The following CAMKK1 variants were observed in gnomAD, a reference collection of about 807,000 sequenced individuals.
CAMKK1 encodes calcium/calmodulin-dependent protein kinase kinase 1.
CAMKK1 carries 20 observed loss-of-function variants against 63.5 expected under a neutral mutation model. The observed-to-expected ratio is 0.32, with a 90% CI of 0.22 to 0.46. The LOEUF is 0.46. Among genes scored for constraint, CAMKK1 ranks in the 20% least tolerant of loss-of-function variants. The probability of loss-of-function intolerance (pLI) is 1.00; values close to 1 mark genes in which losing one functional copy is unlikely to be tolerated. For synonymous variants in CAMKK1, 253 were observed against 269.0 expected, an observed-to-expected ratio of 0.94 and a Z score of 0.58; for missense variants, 588 against 658.1, an observed-to-expected ratio of 0.89 and a Z score of 1.17.
At chr17:3,880,843 T>C (rs372653575) in intron 8 of CAMKK1, among the ~76,000 whole-genome samples, 20 of 151,976 alleles carry the variant, frequency 1.3e-4, no homozygotes, top group African/African-American at 3.6e-4. Context: ...GTAGTAAAGA[T>C]ATATGCTGCT....
Position 3,869,511 on chromosome 17 carries a change from C to A in CAMKK1, c.1317G>T (p.Arg439Ser). The change falls in exon 14 of 16, where the codon AGG (arginine) becomes AGT (serine). Residue 439 changes from arginine (R) to serine (S), a missense_variant. Coordinates refer to ENST00000348335, the MANE Select transcript of CAMKK1 (RefSeq NM_032294.3). ...VTEEEVKNSVRLIPSWTTVIL... is the reference protein window; with the variant it reads ...VTEEEVKNSVSLIPSWTTVIL... The stretch of plus-strand genomic sequence containing the variant: ...CCACCGTGGTCCAGCTGGGGATGAG[C>A]CTGACTGAGTTCTTAACCTCCTCCT... The A allele has an allele frequency of 6.2e-7, 1 of 1,614,224 alleles. No individual in the cohort carries two copies.
chr17:3,866,609 G>A (rs1024137354), intron 14 of CAMKK1, among the ~76,000 whole-genome samples: 7 of 152,214 alleles, frequency 4.6e-5, no homozygotes, highest in Non-Finnish European at 1.0e-4. Flanking sequence ...TCACTCCCTC[G>A]CTTGTGTCCA....
chr17:3,884,276 G>A lies in CAMKK1; in HGVS notation c.408+104C>T. The A allele has an allele frequency of 7.7e-7, 1 of 1,292,684 alleles. No individual in the cohort carries two copies. Among genetic ancestry groups the A allele is most frequent in the African/African-American group, 1.5e-5 (1 of 68,788 alleles). The allele number at this position is 1,292,684 out of a possible 1,614,324, so 80.1% of individuals were successfully genotyped here. ...CGAAACTGTCCTCACCTCCAGGCTAGGACTTGCCTGGCTCTGCCTCCCGTT... is the reference window on the plus strand; with the variant it reads ...CGAAACTGTCCTCACCTCCAGGCTAAGACTTGCCTGGCTCTGCCTCCCGTT... On this transcript the variant is annotated intron_variant, in intron 3 of 15. Coordinates refer to ENST00000348335, the MANE Select transcript of CAMKK1 (RefSeq NM_032294.3). The surrounding 1 kb of genome is among the most constrained non-coding windows in gnomAD (Gnocchi z 4.5).
At position 3,885,556 on chromosome 17, in the gene CAMKK1, G is replaced by T. The variant is rs755892240; in HGVS notation, c.132C>A (p.Pro44=). 2 of 1,614,012 alleles carry T rather than the reference G, an allele frequency of 1.2e-6. No individual in the cohort carries two copies. Among genetic ancestry groups the T allele is most frequent in the South Asian group, 2.2e-5 (2 of 91,088 alleles). ...GPEPTRNGVD[P]PPRARAASVI... ...CAGAGGCAGCTCTGGCCCGTGGTGG[G>T]GGGTCCACACCGTTTCTAGTAGGCT... Residue 44 remains proline (P), a synonymous_variant, in exon 2 of 16, where the codon CCC becomes CCA. Coordinates refer to ENST00000348335, the MANE Select transcript of CAMKK1 (RefSeq NM_032294.3).
chr17:3,863,076 T>C (rs61323228), intron 15 of CAMKK1, among the ~76,000 whole-genome samples: 6,973 of 152,382 alleles, frequency 0.046, 516 homozygotes, highest in African/African-American at 0.16. Context: ...TCAACAGATT[T>C]CTATATCTAG....
chr17:3,865,392 C>G, intron 15 of CAMKK1: 5 of 991,570 alleles, frequency 5.0e-6, no homozygotes, highest in Non-Finnish European at 6.0e-6. Flanking sequence ...GGCACAGAGC[C>G]CCAGCAATGG....
Position 3,862,353 on chromosome 17 carries a change from C to T in CAMKK1, c.1446-70G>A. 8.3e-7 allele frequency: 1 copy of T among 1,202,596 alleles called. No homozygotes were observed. Among genetic ancestry groups the T allele is most frequent in the Non-Finnish European group, 1.2e-6 (1 of 830,652 alleles). The allele number at this position is 1,202,596 out of a possible 1,614,324, so 74.5% of individuals were successfully genotyped here. A position where few individuals can be genotyped will look rare whatever the true frequency, so the allele number is the denominator to read the frequency against. ...ATGCACTCAGGGAGACACTCTCCCT[C>T]ACACACACAGGAATCTGAATCCCAC... On this transcript the variant is annotated intron_variant, in intron 15 of 15. Transcript: ENST00000348335. The surrounding 1 kb of genome is among the most constrained non-coding windows in gnomAD (Gnocchi z 4.1).
In CAMKK1 at chr17:3,883,002, C is replaced by T. The variant is rs1409269605; in HGVS notation, c.648+40G>A. The T allele has an allele frequency of 7.5e-6, 12 of 1,608,454 alleles. No homozygotes were observed. Among genetic ancestry groups the T allele is most frequent in the Admixed American group, 3.3e-5 (2 of 59,820 alleles). On this transcript the variant is annotated intron_variant, in intron 6 of 15. Transcript: ENST00000348335. This position sits in a 1 kb window ranked among gnomAD's most constrained non-coding sequence, Gnocchi z 4.7. ...AGCACCAGAAGCGGCTCCCATGAGA[C>T]TCAGGTGCTGGTTCCCACCTGCTCA...
rs1347411209 is a variant in CAMKK1 at position 3,882,247 on chromosome 17, C to G, written c.685+281G>C. 1 of 1,597,262 alleles carries G rather than the reference C, an allele frequency of 6.3e-7. No homozygotes were observed. Among genetic ancestry groups the G allele is most frequent in the Non-Finnish European group, 8.6e-7 (1 of 1,168,056 alleles). On this transcript the variant is annotated intron_variant, in intron 7 of 15. Coordinates refer to ENST00000348335, the MANE Select transcript of CAMKK1 (RefSeq NM_032294.3). The surrounding 1 kb of genome is among the most constrained non-coding windows in gnomAD (Gnocchi z 4.3). ...TCTGGGAACCCATGCAGCCTGCTTCCTGCATCTACCTGAGCGCGCAGCCCA... is the reference window on the plus strand; with the variant it reads ...TCTGGGAACCCATGCAGCCTGCTTCGTGCATCTACCTGAGCGCGCAGCCCA...
rs963265577 is a variant in CAMKK1, at chr17:3,862,170, G to A, written c.*41C>T. The stretch of plus-strand genomic sequence containing the variant: ...GAGGGGTGGGCCTCTGGAGGCGCGG[G>A]ATGAGTGTGCTGCCGGGTGGCCCTG... On this transcript the variant is annotated 3_prime_UTR_variant, in exon 16 of 16. Coordinates refer to ENST00000348335, the MANE Select transcript of CAMKK1 (RefSeq NM_032294.3). The surrounding 1 kb of genome is among the most constrained non-coding windows in gnomAD (Gnocchi z 4.1). The A allele has an allele frequency of 9.8e-6, 15 of 1,532,324 alleles. No individual in the cohort carries two copies. Among genetic ancestry groups the A allele is most frequent in the Non-Finnish European group, 1.2e-5 (14 of 1,130,824 alleles). The allele number at this position is 1,532,324 out of a possible 1,614,324, so 94.9% of individuals were successfully genotyped here.
Position 3,865,829 on chromosome 17 carries a change from G to C in CAMKK1, c.1445+79C>G, listed in dbSNP as rs2054496305. ...GCTCTGGCCTTGGCCCAACGACAGTGAGAGTGGGAGGATGGGCCTCAGACC... is the reference window on the plus strand; with the variant it reads ...GCTCTGGCCTTGGCCCAACGACAGTCAGAGTGGGAGGATGGGCCTCAGACC... On this transcript the variant is annotated intron_variant, in intron 15 of 15. Transcript: ENST00000348335. The C allele has an allele frequency of 3.1e-6, 5 of 1,588,840 alleles. 1 individual carries two copies. The Middle Eastern group carries it at 5.0e-4, about 159-fold the overall frequency.
At chr17:3,878,975 G>A (rs1020575277) in intron 9 of CAMKK1, 1 of 152,104 alleles carries the variant, frequency 6.6e-6, no homozygotes, top group East Asian at 1.9e-4. Context: ...CACCACACAA[G>A]GCTAATTTTT....
rs867486831 is a variant in CAMKK1, at chr17:3,876,322, C to T, written c.897G>A (p.Gln299=). The change falls in exon 10 of 16, where the codon CAG becomes CAA. Residue 299 remains glutamine, a synonymous_variant. Transcript: ENST00000348335. Reference sequence around the variant, plus strand: ...ACAGCTGAGCGTCGTTCCCCTCAAACTGGTTGCTGACGCCAAAGTCGGCGA... The same window carrying T: ...ACAGCTGAGCGTCGTTCCCCTCAAATTGGTTGCTGACGCCAAAGTCGGCGA... ...VKIADFGVSN[Q]FEGNDAQLSS... is the part of the protein sequence containing the mutation. 1.9e-6 allele frequency: 3 copies of T among 1,614,108 alleles called. No homozygotes were observed. The highest frequency in any genetic ancestry group is 2.2e-5 in the East Asian group (1 of 44,894).
At position 3,862,222 on chromosome 17, in the gene CAMKK1, C is replaced by G; in HGVS notation, c.1507G>C (p.Ala503Pro). 3 of 1,588,352 alleles carry G rather than the reference C, an allele frequency of 1.9e-6. No individual in the cohort carries two copies. Among genetic ancestry groups the G allele is most frequent in the Non-Finnish European group, 2.6e-6 (3 of 1,166,800 alleles). The change falls in exon 16 of 16, where the codon GCT (alanine) becomes CCT (proline). Residue 503 changes from alanine to proline, a missense_variant. Physicochemically the swap from Ala to Pro is conservative, Grantham distance 27. Around this residue, in one of 3 missense-constraint regions of CAMKK1, gnomAD observed 226 missense variants for 229.2 expected, o/e 0.99. Transcript: ENST00000348335. This position sits in a 1 kb window ranked among gnomAD's most constrained non-coding sequence, Gnocchi z 4.1. ...GTGCATGCAGGGGCTCAGGATGCAG[C>G]CTCGTCTTCCTGGACGCCGGGGAGC... ...PELPGVQEDE[A>P]AS
At chr17:3,865,626 G>A in intron 15 of CAMKK1, 1 of 1,287,302 alleles carries the variant, frequency 7.8e-7, no homozygotes, top group Non-Finnish European at 9.9e-7. Flanking sequence ...TGGAAGAAGG[G>A]TCTTCCTGTC....
chr17:3,869,179 G>A (rs1404606168), intron 14 of CAMKK1, among the ~76,000 whole-genome samples: 3 of 151,056 alleles, frequency 2.0e-5, no homozygotes, highest in Non-Finnish European at 4.4e-5. Context: ...GGATGGTCTC[G>A]ATCTCCTGAC....
intron 15 of CAMKK1, among the ~76,000 whole-genome samples, chr17:3,864,347 C>T (rs1417938353): frequency 4.6e-5 from 7 of 151,232 alleles, no homozygotes; most frequent in Non-Finnish European, 8.9e-5. Flanking sequence ...CCCGGGTTCA[C>T]GCCATTCTCC....
At position 3,873,490 on chromosome 17, in the gene CAMKK1, C is replaced by T. The variant is rs200470761; in HGVS notation, c.997-28G>A. 1.5e-5 allele frequency: 25 copies of T among 1,613,334 alleles called. No individual in the cohort carries two copies. In the East Asian group the frequency reaches 5.3e-4, roughly 35 times the overall value. Reference sequence around the variant, plus strand: ...GGAAAGAAACATGCTCACATCAGTCCCCAACAGGCACAGCCACCTCTGCCC... The same window carrying T: ...GGAAAGAAACATGCTCACATCAGTCTCCAACAGGCACAGCCACCTCTGCCC... On this transcript the variant is annotated intron_variant, in intron 10 of 15. Coordinates refer to ENST00000348335, the MANE Select transcript of CAMKK1 (RefSeq NM_032294.3).
chr17:3,865,856 C>T, intron 15 of CAMKK1, 52 bp downstream of exon 15: 1 of 1,609,638 alleles, frequency 6.2e-7, no homozygotes, highest in Non-Finnish European at 8.5e-7. Flanking sequence ...CCTCAGACCT[C>T]CCCACCCAAC....
Sources: allele counts gnomAD v4.1 joint callset (sites outside exome capture counted in the v4.1 genomes callset), GRCh38; gene constraint gnomAD v4.1.1; regional missense constraint gnomAD v4.1.1; non-coding constraint Gnocchi (gnomAD v3.1); transcripts MANE v1.5; gene names NCBI Gene and HGNC (gene_info 2026-07-23, HGNC 2026-07-21).